The following C10orf71 variants were observed in gnomAD, a reference collection of about 807,000 sequenced individuals.
C10orf71 encodes the protein cardiac-enriched FHL2-interacting protein.
For missense variants in C10orf71, 1,869 were observed against 1,804.5 expected, an observed-to-expected ratio of 1.04 and a Z score of -0.65; for synonymous variants, 758 against 726.3, an observed-to-expected ratio of 1.04 and a Z score of -0.70.
intron 1 of C10orf71, among the ~76,000 whole-genome samples, chr10:49,312,123 T>A (rs757297833): frequency 3.4e-4 from 52 of 152,326 alleles, no homozygotes; most frequent in Admixed American, 5.2e-4. Context: ...TTCAAAAAGA[T>A]GACCCTACAA....
At chr10:49,303,371 G>A (rs1362530292) in intron 1 of C10orf71, among the ~76,000 whole-genome samples, 1 of 152,150 alleles carries the variant, frequency 6.6e-6, no homozygotes, top group African/African-American at 2.4e-5. Context: ...GGCAGACATG[G>A]CACAAACCAC....
chr10:49,300,461 CAAA>C (rs60669434), intron 1 of C10orf71, among the ~76,000 whole-genome samples: 18,086 of 108,474 alleles, frequency 0.17, 1,224 homozygotes, highest in South Asian at 0.31. Context: ...CAATTTAATA[CAAA>C]AAAAAAAAAA....
Position 49,323,686 on chromosome 10 carries a change from T to A in C10orf71, c.1141T>A (p.Trp381Arg), listed in dbSNP as rs769959614. 1.2e-6 allele frequency: 2 copies of A among 1,613,476 alleles called. No homozygotes were observed. Among genetic ancestry groups the A allele is most frequent in the Admixed American group, 1.7e-5 (1 of 59,962 alleles). ...DSQEKPAQPP[W>R]RKPKTGKKGK... ...TCAAGAGAAGCCAGCCCAGCCCCCATGGAGGAAGCCAAAGACTGGCAAAAA... is the reference window on the plus strand; with the variant it reads ...TCAAGAGAAGCCAGCCCAGCCCCCAAGGAGGAAGCCAAAGACTGGCAAAAA... Residue 381 changes from tryptophan to arginine, a missense_variant, in exon 3 of 3, where the codon TGG becomes AGG. Trp to Arg is a moderately radical substitution (Grantham distance 101). Coordinates refer to ENST00000374144, the MANE Select transcript of C10orf71 (RefSeq NM_001135196.2).
At chr10:49,302,918 C>A (rs1045975974) in intron 1 of C10orf71, among the ~76,000 whole-genome samples, 1 of 152,208 alleles carries the variant, frequency 6.6e-6, no homozygotes, top group Non-Finnish European at 1.5e-5. Flanking sequence ...TCTCAGCAAG[C>A]CCCCTGGACC....
Position 49,327,484 on chromosome 10 carries a change from G to A in C10orf71, c.*631G>A, listed in dbSNP as rs113471593. ...AAAAGTGAAACAAGTTTGCAGATACGGTTCTCTTCCTGGACTCCTGTCTTC... is the reference window on the plus strand; with the variant it reads ...AAAAGTGAAACAAGTTTGCAGATACAGTTCTCTTCCTGGACTCCTGTCTTC... On this transcript the variant is annotated 3_prime_UTR_variant, in exon 3 of 3. Coordinates refer to ENST00000374144, the MANE Select transcript of C10orf71 (RefSeq NM_001135196.2). 998 of 173,788 alleles carry A rather than the reference G, an allele frequency of 5.7e-3. 14 individuals are homozygous for A. The highest frequency in any genetic ancestry group is 0.023 in the African/African-American group (963 of 41,626). 10.8% of individuals were successfully genotyped at this position (173,788 alleles called of 1,614,324 possible).
At chr10:49,307,127 T>C (rs1848828041) in intron 1 of C10orf71, among the ~76,000 whole-genome samples, 1 of 152,242 alleles carries the variant, frequency 6.6e-6, no homozygotes, top group African/African-American at 2.4e-5. Context: ...CTTCCAGATC[T>C]TTCCTGCTCC....
intron 1 of C10orf71, among the ~76,000 whole-genome samples, chr10:49,310,193 A>G (rs1177921619): frequency 6.6e-6 from 1 of 152,192 alleles, no homozygotes; most frequent in Non-Finnish European, 1.5e-5. Flanking sequence ...CCCTCCCCAA[A>G]CAGGAAGGAC....
At position 49,322,413 on chromosome 10, in the gene C10orf71, A is replaced by T. The variant is rs1849108798; in HGVS notation, c.-133A>T. The T allele has an allele frequency of 2.9e-5, 33 of 1,138,004 alleles. No homozygotes were observed. The highest frequency in any genetic ancestry group is 3.6e-5 in the Non-Finnish European group (30 of 831,898). The allele number at this position is 1,138,004 out of a possible 1,614,324, so 70.5% of individuals were successfully genotyped here. A position where few individuals can be genotyped will look rare whatever the true frequency, so the allele number is the denominator to read the frequency against. ...TTTTTCTTTTGCAGAGAAAAAAAAA[A>T]ATCCCCACTTTGCAATTGCATCTGG... is the stretch of plus-strand genomic sequence containing the variant. On this transcript the variant is annotated 5_prime_UTR_variant, in exon 3 of 3. Transcript: ENST00000374144.
intron 2 of C10orf71, among the ~76,000 whole-genome samples, chr10:49,318,410 A>G (rs1849036176): frequency 6.6e-6 from 1 of 152,214 alleles, no homozygotes; most frequent in Admixed American, 6.5e-5. Flanking sequence ...TCTAAAAAGC[A>G]TATGCTGTCA....
rs774837674 is a variant in C10orf71 at position 49,324,224 on chromosome 10, G to C, written c.1679G>C (p.Arg560Thr). 6.2e-7 allele frequency: 1 copy of C among 1,613,798 alleles called. No homozygotes were observed. Among genetic ancestry groups the C allele is most frequent in the Non-Finnish European group, 8.5e-7 (1 of 1,179,872 alleles). The change falls in exon 3 of 3, where the codon AGA becomes ACA. Residue 560 changes from arginine (R) to threonine (T), a missense_variant. By Grantham distance (71) the Arg-to-Thr change is moderately conservative. Transcript: ENST00000374144. ...CCTCCAAATGAGCTTTCTAAGGAGA[G>C]ACCCGCTGATGACCCCACTGCATCA... ...ESPPNELSKE[R>T]PADDPTASHI...
At chr10:49,321,395 C>T (rs1047527929) in intron 2 of C10orf71, among the ~76,000 whole-genome samples, 3 of 152,162 alleles carry the variant, frequency 2.0e-5, no homozygotes, top group Non-Finnish European at 4.4e-5. Context: ...TTAAAAATTT[C>T]CTGCTTCTTT....
intron 1 of C10orf71, among the ~76,000 whole-genome samples, chr10:49,307,884 G>T (rs1440416135): frequency 1.3e-5 from 2 of 152,052 alleles, no homozygotes; most frequent in African/African-American, 4.8e-5. Context: ...TCCCTCCCTG[G>T]GTCTGTGATG....
In C10orf71 at chr10:49,326,680, G is replaced by A. The variant is rs1357617064; in HGVS notation, c.4135G>A (p.Glu1379Lys). 11 of 1,550,766 alleles carry A rather than the reference G, an allele frequency of 7.1e-6. No individual in the cohort carries two copies. The highest frequency in any genetic ancestry group is 3.5e-6 in the Non-Finnish European group (4 of 1,146,984). ...CCGCGCCAGGACCCAGAGTGTCCAC[G>A]AGTCTGGACTACAGCTGGACCCAGG... The part of the protein sequence containing the change: ...AARARTQSVH[E>K]SGLQLDPGPH... Residue 1379 changes from glutamate to lysine, a missense_variant, in exon 3 of 3, where the codon GAG becomes AAG. Transcript: ENST00000374144.
At chr10:49,321,038 A>G in intron 2 of C10orf71, among the ~76,000 whole-genome samples, 1 of 151,944 alleles carries the variant, frequency 6.6e-6, no homozygotes, top group East Asian at 1.9e-4. Flanking sequence ...ATTTCCTCCC[A>G]CCGCTTTTAT....
At position 49,324,730 on chromosome 10, in the gene C10orf71, A is replaced by G; in HGVS notation, c.2185A>G (p.Ser729Gly). 1 of 1,579,048 alleles carries G rather than the reference A, an allele frequency of 6.3e-7. No homozygotes were observed. The highest frequency in any genetic ancestry group is 1.1e-5 in the South Asian group (1 of 87,008). ...MPSLKGKAKF[S>G]TSSSDQSFAS... Reference sequence around the variant, plus strand: ...AAGCCTCAAAGGTAAGGCCAAATTCAGCACCAGCTCTTCAGATCAATCCTT... The same window carrying G: ...AAGCCTCAAAGGTAAGGCCAAATTCGGCACCAGCTCTTCAGATCAATCCTT... Residue 729 changes from serine to glycine, a missense_variant, in exon 3 of 3, where the codon AGC (serine) becomes GGC (glycine). By Grantham distance (56) the Ser-to-Gly change is moderately conservative. Transcript: ENST00000374144.
chr10:49,305,998 G>C (rs1848806444), intron 1 of C10orf71, among the ~76,000 whole-genome samples: 1 of 152,244 alleles, frequency 6.6e-6, no homozygotes, highest in South Asian at 2.1e-4. Flanking sequence ...ATGTCTCCAA[G>C]CATGTTCTGT....
intron 1 of C10orf71, among the ~76,000 whole-genome samples, chr10:49,305,266 G>A (rs548498648): frequency 6.6e-6 from 1 of 152,264 alleles, no homozygotes; most frequent in East Asian, 1.9e-4. Context: ...GCTGAGCAGA[G>A]ACTTTTAACC....
chr10:49,309,187 T>C (rs887742811), intron 1 of C10orf71, among the ~76,000 whole-genome samples: 8 of 152,238 alleles, frequency 5.3e-5, no homozygotes, highest in Non-Finnish European at 1.2e-4. Flanking sequence ...ATTTCACTGT[T>C]GGCTGCTATG....
chr10:49,313,026 G>GA (rs1465246847), intron 1 of C10orf71, among the ~76,000 whole-genome samples: 2 of 152,198 alleles, frequency 1.3e-5, no homozygotes, highest in African/African-American at 4.8e-5. Context: ...TATGCTGCAT[G>GA]AAAAAGAAAC....
Sources: allele counts gnomAD v4.1 joint callset (sites outside exome capture counted in the v4.1 genomes callset), GRCh38; gene constraint gnomAD v4.1.1; transcripts MANE v1.5; gene names NCBI Gene and HGNC (gene_info 2026-07-23, HGNC 2026-07-21).